The following HECTD4 variants were observed in gnomAD, a reference collection of about 807,000 sequenced individuals.
HECTD4 encodes the protein HECT domain E3 ubiquitin protein ligase 4, also known as probable E3 ubiquitin-protein ligase HECTD4.
A neutral mutation model predicts 471.5 loss-of-function variants in HECTD4; 114 were observed. That is an observed-to-expected ratio of 0.24 (90% confidence interval 0.21 to 0.28). The LOEUF (loss-of-function observed/expected upper bound fraction) is 0.28. HECTD4 is among the 10% of genes least tolerant of loss of function. The pLI is 1.00. For missense variants in HECTD4, 3,866 were observed against 5,651.5 expected, an observed-to-expected ratio of 0.68 and a Z score of 10.13; for synonymous variants, 2,012 against 2,256.0, an observed-to-expected ratio of 0.89 and a Z score of 3.07.
chr12:112,210,034 G>A lies in HECTD4; in HGVS notation c.7848C>T (p.Ala2616=), dbSNP rs778906389. 26 of 1,613,402 alleles carry A rather than the reference G, an allele frequency of 1.6e-5. No homozygotes were observed. Among genetic ancestry groups the A allele is most frequent in the South Asian group, 3.3e-5 (3 of 91,002 alleles). Residue 2616 remains alanine (A), a synonymous_variant, in exon 50 of 76, where the codon GCC becomes GCT. Coordinates refer to ENST00000682272, the MANE Select transcript of HECTD4 (RefSeq NM_001388303.1). ...ACTTACGTTGCTGAGCGGTGGCCAC[G>A]GCAGCAATCCGGCATGGTGGCCCAT... ...GTHGPPCRIA[A]VATAQQQYDS...
In HECTD4 at chr12:112,382,402, T is replaced by C. The variant is rs2135779635; in HGVS notation, c.-274A>G. On this transcript the variant is annotated 5_prime_UTR_variant, in exon 1 of 76. An upstream open reading frame in the 5' UTR loses its in-frame stop. Transcript: ENST00000682272. The stretch of plus-strand genomic sequence containing the variant: ...GCCTCTGCCGCTCGGCAACCAACTG[T>C]CAGTGAGACGCCATGTTGGGGGCGG... The C allele has an allele frequency of 3.2e-6, 1 of 314,038 alleles. No individual in the cohort carries two copies. Among genetic ancestry groups the C allele is most frequent in the Non-Finnish European group, 5.6e-6 (1 of 176,998 alleles). The allele number at this position is 314,038 out of a possible 1,614,324, so 19.5% of individuals were successfully genotyped here.
At position 112,228,890 on chromosome 12, in the gene HECTD4, A is replaced by C; in HGVS notation, c.6520-79T>G. 1 of 1,345,348 alleles carries C rather than the reference A, an allele frequency of 7.4e-7. No individual in the cohort carries two copies. The highest frequency in any genetic ancestry group is 1.0e-6 in the Non-Finnish European group (1 of 957,002). The allele number at this position is 1,345,348 out of a possible 1,614,324, so 83.3% of individuals were successfully genotyped here. ...GTCTTACGAGACAAGAGGAAAAAGT[A>C]AATTTATAGTTGTCATTGTTGGCGT... On this transcript the variant is annotated intron_variant, in intron 41 of 75. Coordinates refer to ENST00000682272, the MANE Select transcript of HECTD4 (RefSeq NM_001388303.1). The surrounding 1 kb of genome is among the most constrained non-coding windows in gnomAD (Gnocchi z 4.9).
intron 62 of HECTD4, among the ~76,000 whole-genome samples, chr12:112,182,848 A>G (rs1376199266): frequency 6.6e-6 from 1 of 152,234 alleles, no homozygotes; most frequent in African/African-American, 2.4e-5. Flanking sequence ...CCACTGACAA[A>G]CAATGGAGCC....
chr12:112,182,203 C>T (rs764529023), intron 62 of HECTD4, among the ~76,000 whole-genome samples: 6 of 151,966 alleles, frequency 3.9e-5, no homozygotes, highest in East Asian at 1.9e-4. Flanking sequence ...TGATGACTCA[C>T]GCCTATAGTC....
intron 14 of HECTD4, among the ~76,000 whole-genome samples, 157 bp from the exon 15 acceptor site, chr12:112,266,140 C>T (rs567531412): frequency 4.6e-5 from 7 of 152,330 alleles, no homozygotes; most frequent in South Asian, 4.1e-4. Context: ...GACATCACAA[C>T]GAATCCGACT....
chr12:112,308,951 G>GCA, intron 5 of HECTD4, 60 bp from the exon 6 acceptor site: 1 of 1,473,256 alleles, frequency 6.8e-7, no homozygotes, highest in Non-Finnish European at 9.0e-7. Flanking sequence ...CCCCACACAA[G>GCA]CTACAACAGA....
intron 54 of HECTD4, chr12:112,203,167 C>G (rs1324685871): frequency 6.5e-6 from 1 of 153,038 alleles, no homozygotes; most frequent in Non-Finnish European, 1.5e-5. Context: ...GTCTCGAACT[C>G]CTGGGCTCAG....
intron 1 of HECTD4, among the ~76,000 whole-genome samples, chr12:112,345,267 G>GAA: frequency 8.6e-6 from 1 of 115,638 alleles, no homozygotes; most frequent in African/African-American, 3.2e-5. Context: ...ACCAAAAAAA[G>GAA]AAAAAAAAAA....
chr12:112,353,133 CA>C (rs959410016), intron 1 of HECTD4, among the ~76,000 whole-genome samples: 5 of 152,132 alleles, frequency 3.3e-5, no homozygotes, highest in African/African-American at 1.2e-4. Context: ...TCATAAGAAC[CA>C]AGGAGCTGAC....
chr12:112,291,672 A>C (rs1273344842), intron 7 of HECTD4, among the ~76,000 whole-genome samples: 1 of 152,112 alleles, frequency 6.6e-6, no homozygotes, highest in Non-Finnish European at 1.5e-5. Flanking sequence ...GGAGATTGAG[A>C]CCATCCTGGC....
In HECTD4 at chr12:112,188,571, T is replaced by C. The variant is rs1022039028; in HGVS notation, c.9472+2215A>G. ...AAAGCCTGTGTCCCACTGAGCCAGCTGAGCCCTTACCCTGCAAAAGAGTGA... is the reference window on the plus strand; with the variant it reads ...AAAGCCTGTGTCCCACTGAGCCAGCCGAGCCCTTACCCTGCAAAAGAGTGA... On this transcript the variant is annotated intron_variant, in intron 60 of 75. Coordinates refer to ENST00000682272, the MANE Select transcript of HECTD4 (RefSeq NM_001388303.1). This position sits in a 1 kb window ranked among gnomAD's most constrained non-coding sequence, Gnocchi z 4.2. 6.6e-6 allele frequency among the ~76,000 whole-genome samples: 1 copy of C among 152,232 alleles called. No homozygotes were observed. The highest frequency in any genetic ancestry group is 2.4e-5 in the African/African-American group (1 of 41,458).
intron 21 of HECTD4, among the ~76,000 whole-genome samples, chr12:112,255,777 C>G (rs1432727456): frequency 6.6e-6 from 1 of 152,198 alleles, no homozygotes; most frequent in African/African-American, 2.4e-5. Flanking sequence ...AATGCTTCAA[C>G]CCCTAAGATG....
chr12:112,186,020 C>T (rs887560967), intron 60 of HECTD4, among the ~76,000 whole-genome samples: 1 of 152,178 alleles, frequency 6.6e-6, no homozygotes, highest in Non-Finnish European at 1.5e-5. Context: ...GGGTCTTGCT[C>T]TGTCACCCAG....
At chr12:112,348,385 C>G (rs1377851010) in intron 1 of HECTD4, among the ~76,000 whole-genome samples, 2 of 152,126 alleles carry the variant, frequency 1.3e-5, no homozygotes, top group Non-Finnish European at 2.9e-5. Context: ...TAGAATGCTC[C>G]TGAATGTTGT....
intron 9 of HECTD4, among the ~76,000 whole-genome samples, chr12:112,276,820 A>G (rs1311868957): frequency 1.3e-5 from 2 of 152,262 alleles, no homozygotes; most frequent in African/African-American, 2.4e-5. Context: ...CAAATGGCCA[A>G]TAAGCACATG....
rs187440950 is a variant in HECTD4 at position 112,160,509 on chromosome 12, C to G, written c.*1878G>C. ...GGCCAAGGTTTGGATCTGTCTGGACCTCAATGTGCTCTCGGAGAAGCAGCC... is the reference window on the plus strand; with the variant it reads ...GGCCAAGGTTTGGATCTGTCTGGACGTCAATGTGCTCTCGGAGAAGCAGCC... On this transcript the variant is annotated 3_prime_UTR_variant, in exon 76 of 76. Coordinates refer to ENST00000682272, the MANE Select transcript of HECTD4 (RefSeq NM_001388303.1). 3.3e-5 allele frequency: 5 copies of G among 152,114 alleles called. No homozygotes were observed. Among genetic ancestry groups the G allele is most frequent in the African/African-American group, 4.8e-5 (2 of 41,414 alleles). The allele number at this position is 152,114 out of a possible 1,614,324, so 9.4% of individuals were successfully genotyped here. A position where few individuals can be genotyped will look rare whatever the true frequency, so the allele number is the denominator to read the frequency against.
chr12:112,196,853 T>C (rs1218788677), intron 55 of HECTD4, among the ~76,000 whole-genome samples: 4 of 152,140 alleles, frequency 2.6e-5, no homozygotes, highest in Non-Finnish European at 5.9e-5. Context: ...TGGAGTGCAG[T>C]GGTGTGATCT....
intron 1 of HECTD4, among the ~76,000 whole-genome samples, chr12:112,324,183 T>C (rs1272387998): frequency 6.7e-6 from 1 of 149,312 alleles, no homozygotes; most frequent in African/African-American, 2.5e-5. Flanking sequence ...GGTGCAATCT[T>C]AGCTCACTGG....
intron 32 of HECTD4, among the ~76,000 whole-genome samples, chr12:112,241,838 T>G (rs888342091): frequency 6.6e-6 from 1 of 152,200 alleles, no homozygotes; most frequent in South Asian, 2.1e-4. Context: ...TCCCAGCTAC[T>G]TGGAAGGCTG....
Sources: allele counts gnomAD v4.1 joint callset (sites outside exome capture counted in the v4.1 genomes callset), GRCh38; gene constraint gnomAD v4.1.1; non-coding constraint Gnocchi (gnomAD v3.1); transcripts MANE v1.5; gene names NCBI Gene and HGNC (gene_info 2026-07-23, HGNC 2026-07-21).